Variants in UROS observed in about 807,000 individuals in gnomAD.
UROS encodes the protein uroporphyrinogen-III synthase.
Under a neutral mutation model 33.0 loss-of-function variants are expected in UROS, and 18 were observed. The observed-to-expected ratio is 0.55, with a 90% CI of 0.38 to 0.81. UROS has a LOEUF of 0.81. Among genes scored for constraint, UROS ranks in the 30% least tolerant of loss-of-function variants. The pLI is 0.00. For missense variants in UROS, 293 were observed against 314.9 expected, an observed-to-expected ratio of 0.93 and a Z score of 0.53; for synonymous variants, 114 against 121.1, an observed-to-expected ratio of 0.94 and a Z score of 0.38.
chr10:125,802,744 C>G (rs1851948919), intron 6 of UROS: 1 of 1,412,904 alleles, frequency 7.1e-7, no homozygotes, highest in Admixed American at 2.9e-5. Flanking sequence ...TAGGTACAGC[C>G]CAGGTAGGGA....
chr10:125,818,514 AAT>A (rs1453519590), intron 1 of UROS, among the ~76,000 whole-genome samples: 1 of 151,292 alleles, frequency 6.6e-6, no homozygotes, highest in Non-Finnish European at 1.5e-5. Context: ...TAATAATAAT[AAT>A]ATAAAATTAA....
chr10:125,786,957 C>T (rs572789055), downstream of UROS, among the ~76,000 whole-genome samples: 2 of 152,340 alleles, frequency 1.3e-5, no homozygotes, highest in Non-Finnish European at 2.9e-5. Context: ...CCCAGGCTCC[C>T]GACTCACGCA....
At chr10:125,795,250 G>A (rs1015525182) in intron 8 of UROS, 58 of 494,226 alleles carry the variant, frequency 1.2e-4, no homozygotes, top group African/African-American at 1.1e-3. Context: ...CGGAGCTCAT[G>A]TGCCCAGCAG....
Position 125,788,966 on chromosome 10 carries a change from C to A in UROS, c.700G>T (p.Ala234Ser), listed in dbSNP as rs143947596. The stretch of plus-strand genomic sequence containing the variant: ...GTGCAGCTTACAGGAAGGCCCTGGG[C>A]GGCCAGCGCGCGAGCCGTAGTGGGG... The part of the protein sequence containing the change: ...IGPTTARALA[A>S]QGLPVSCTAE... Residue 234 changes from alanine (A) to serine (S), a missense_variant, in exon 10 of 10, where the codon GCC becomes TCC. Transcript: ENST00000368797. The A allele has an allele frequency of 6.2e-7, 1 of 1,611,756 alleles. No individual in the cohort carries two copies. The highest frequency in any genetic ancestry group is 1.3e-5 in the African/African-American group (1 of 75,030).
chr10:125,800,565 CTT>C (rs367801933), intron 6 of UROS, among the ~76,000 whole-genome samples: 5 of 140,364 alleles, frequency 3.6e-5, no homozygotes, highest in Admixed American at 7.1e-5. Flanking sequence ...TTCTTTCTTT[CTT>C]TTTTTTTTTT....
Position 125,794,859 on chromosome 10 carries a change from A to G in UROS, c.660+21T>C, listed in dbSNP as rs1851224429. 5 of 1,601,978 alleles carry G rather than the reference A, an allele frequency of 3.1e-6. No individual in the cohort carries two copies. The African/African-American group carries it at 5.4e-5, about 17-fold the overall frequency. On this transcript the variant is annotated intron_variant, in intron 9 of 9. Coordinates refer to ENST00000368797, the MANE Select transcript of UROS (RefSeq NM_000375.3). Reference sequence around the variant, plus strand: ...AAAAAAAAGAATCTGAAAAAGACCAAAAGCTCATTGAATAACTTACCTTAA... The same window carrying G: ...AAAAAAAAGAATCTGAAAAAGACCAGAAGCTCATTGAATAACTTACCTTAA...
intron 5 of UROS, among the ~76,000 whole-genome samples, chr10:125,807,839 A>G (rs1852466516): frequency 6.6e-6 from 1 of 152,198 alleles, no homozygotes; most frequent in South Asian, 2.1e-4. Context: ...GGTGCTCAAC[A>G]AAGGCTGTTT....
chr10:125,803,154 G>T, intron 6 of UROS: 2 of 1,283,776 alleles, frequency 1.6e-6, no homozygotes, highest in Non-Finnish European at 2.2e-6. Flanking sequence ...ACCACTATTA[G>T]CTCTGTTCCT....
intron 1 of UROS, among the ~76,000 whole-genome samples, chr10:125,822,266 C>G (rs1302772236): frequency 6.6e-6 from 1 of 152,134 alleles, no homozygotes; most frequent in Non-Finnish European, 1.5e-5. Context: ...CTCCACTCTT[C>G]TCTCCAAATA....
chr10:125,817,731 G>T (rs1371248495), intron 1 of UROS, among the ~76,000 whole-genome samples: 1 of 152,148 alleles, frequency 6.6e-6, no homozygotes, highest in African/African-American at 2.4e-5. Context: ...TACAGAGGAT[G>T]ACACTCATCC....
intron 8 of UROS, 144 bp downstream of exon 8, chr10:125,795,959 T>G (rs1314469214): frequency 1.3e-6 from 1 of 789,842 alleles, no homozygotes; most frequent in East Asian, 2.5e-5. Context: ...CCAGACCAAC[T>G]ATGTGACAGG....
At chr10:125,805,109 C>T (rs901035632) in intron 6 of UROS, among the ~76,000 whole-genome samples, 6 of 152,238 alleles carry the variant, frequency 3.9e-5, no homozygotes, top group African/African-American at 1.4e-4. Flanking sequence ...CGCACATCCA[C>T]TGAACTAAGG....
intron 7 of UROS, 61 bp from the exon 8 acceptor site, chr10:125,796,249 C>A: frequency 6.6e-7 from 1 of 1,505,098 alleles, no homozygotes. Context: ...GGGCCTCCAC[C>A]ACTTCACAGC....
At chr10:125,810,014 T>C (rs944308827) in intron 5 of UROS, among the ~76,000 whole-genome samples, 3 of 152,268 alleles carry the variant, frequency 2.0e-5, no homozygotes, top group African/African-American at 7.2e-5. Flanking sequence ...TTTTCATTTC[T>C]ACTTCAAGAA....
chr10:125,807,888 T>C (rs552636950), intron 5 of UROS, among the ~76,000 whole-genome samples: 148 of 152,364 alleles, frequency 9.7e-4, no homozygotes, highest in African/African-American at 3.2e-3. Context: ...CATTTGGTAC[T>C]TTTTGCAGGA....
chr10:125,787,751 TCC>T (rs1850675407), downstream of UROS, among the ~76,000 whole-genome samples: 1 of 152,146 alleles, frequency 6.6e-6, no homozygotes, highest in African/African-American at 2.4e-5. Context: ...ATCACCATAA[TCC>T]CGTTTTAGAA....
downstream of UROS, chr10:125,785,028 T>TG (rs1850605427): frequency 6.6e-6 from 1 of 152,244 alleles, no homozygotes; most frequent in African/African-American, 2.4e-5. Flanking sequence ...TTTATCTTGA[T>TG]GTTTACTCTA....
rs146153873 is a variant in UROS at position 125,819,015 on chromosome 10, T to G, written c.-26-2490A>C. ...GTTGTTGTTTTTTGAGATGCAGTCCTGCTCTGTCGCCCAGGCTGGAGTGCA... is the reference window on the plus strand; with the variant it reads ...GTTGTTGTTTTTTGAGATGCAGTCCGGCTCTGTCGCCCAGGCTGGAGTGCA... On this transcript the variant is annotated intron_variant, in intron 1 of 9. Transcript: ENST00000368797. 8.9e-3 allele frequency among the ~76,000 whole-genome samples: 1,349 copies of G among 152,312 alleles called. 15 individuals are homozygous for G. Among genetic ancestry groups the G allele is most frequent in the South Asian group, 0.011 (53 of 4,832 alleles).
chr10:125,814,157 C>T (rs1332748927), intron 4 of UROS, among the ~76,000 whole-genome samples: 2 of 152,200 alleles, frequency 1.3e-5, no homozygotes, highest in Non-Finnish European at 2.9e-5. Flanking sequence ...GTAAGTTCTA[C>T]CTAACTAATA....
Sources: gnomAD v4.1 joint callset for allele counts (sites outside exome capture counted in the v4.1 genomes callset) on GRCh38, gnomAD v4.1.1 for gene constraint, MANE v1.5 for transcripts, NCBI Gene and HGNC (gene_info 2026-07-23, HGNC 2026-07-21) for gene names.